Variants in PADI4 observed in about 807,000 individuals in gnomAD.
The protein encoded by PADI4 is peptidyl arginine deiminase 4.
Under a neutral mutation model 75.0 loss-of-function variants are expected in PADI4, and 62 were observed. The observed-to-expected ratio is 0.83, with a 90% CI of 0.67 to 1.02. The LOEUF is 1.02. Ranked by LOEUF, PADI4 falls within the 50% of genes least tolerant of loss-of-function variation. PADI4 has a pLI of 0.00. For synonymous variants in PADI4, 361 were observed against 348.1 expected (o/e 1.04, Z -0.41); for missense variants, 845 against 850.5 (o/e 0.99, Z 0.08).
rs2074761770 is a variant in PADI4 at position 17,356,439 on chromosome 1, T to C, written c.1538T>C (p.Leu513Pro). ...EQQNEGHGEA[L>P]LFEGIKKKKQ... ...CAGAATGAGGGCCACGGGGAGGCCC[T>C]GCTGTTCGAAGGGATCAAGAGTAAG... is the stretch of plus-strand genomic sequence containing the variant. The change falls in exon 13 of 16, where the codon CTG (leucine) becomes CCG (proline). Residue 513 changes from leucine (L) to proline (P), a missense_variant. Leu to Pro is a moderately conservative substitution (Grantham distance 98). Transcript: ENST00000375448. The surrounding 1 kb of genome is among the most constrained non-coding windows in gnomAD (Gnocchi z 4.1). 2 of 1,610,376 alleles carry C rather than the reference T, an allele frequency of 1.2e-6. No individual in the cohort carries two copies. The highest frequency in any genetic ancestry group is 1.7e-6 in the Non-Finnish European group (2 of 1,176,798).
intron 10 of PADI4, among the ~76,000 whole-genome samples, chr1:17,348,543 A>G (rs1422246458): frequency 4.6e-5 from 7 of 152,302 alleles, no homozygotes; most frequent in Middle Eastern, 3.4e-3. Context: ...GAAGTGACGT[A>G]TTGCTGACTC....
chr1:17,319,528 AAG>A (rs1270443086), intron 1 of PADI4, among the ~76,000 whole-genome samples: 1 of 152,134 alleles, frequency 6.6e-6, no homozygotes, highest in African/African-American at 2.4e-5. Context: ...TGCTTAAAAA[AAG>A]AGAGAGAGAG....
intron 10 of PADI4, among the ~76,000 whole-genome samples, chr1:17,350,988 A>G (rs1302577949): frequency 8.2e-6 from 1 of 122,322 alleles, no homozygotes; most frequent in African/African-American, 2.6e-5. Flanking sequence ...GGAGTTTGAG[A>G]CCAGACTGGG....
At chr1:17,308,395 G>A in intron 1 of PADI4, 81 bp downstream of exon 1, 2 of 1,126,126 alleles carry the variant, frequency 1.8e-6, no homozygotes, top group South Asian at 2.6e-5. Flanking sequence ...AGGAGCATGT[G>A]TTTGGCCCAG....
chr1:17,347,831 C>T (rs1173344855), intron 9 of PADI4, 110 bp from the exon 10 acceptor site: 3 of 570,328 alleles, frequency 5.3e-6, no homozygotes, highest in Non-Finnish European at 9.5e-6. Flanking sequence ...GGAATGTGCC[C>T]TTGACTGCAA....
rs1366193159 is a variant in PADI4 at position 17,348,028 on chromosome 1, T to C, written c.1135T>C (p.Phe379Leu). The C allele has an allele frequency of 6.2e-7, 1 of 1,611,308 alleles. No individual in the cohort carries two copies. The highest frequency in any genetic ancestry group is 1.1e-5 in the South Asian group (1 of 90,962). The change falls in exon 10 of 16, where the codon TTT (phenylalanine) becomes CTT (leucine). Residue 379 changes from phenylalanine to leucine, a missense_variant. Physicochemically the swap from Phe to Leu is conservative, Grantham distance 22 (BLOSUM62 0). Transcript: ENST00000375448. ...TCCAAGGAACAGAGGCCTGAAGGAGTTTCCCATCAAACGCGTGATGGTACC... is the reference window on the plus strand; with the variant it reads ...TCCAAGGAACAGAGGCCTGAAGGAGCTTCCCATCAAACGCGTGATGGTACC... ...DSPRNRGLKE[F>L]PIKRVMGPDF...
At chr1:17,332,317 G>T (rs2074228814) in intron 2 of PADI4, among the ~76,000 whole-genome samples, 1 of 152,186 alleles carries the variant, frequency 6.6e-6, no homozygotes. Flanking sequence ...TGCAATCTCG[G>T]CTCACTGCAA....
rs760327662 is a variant in PADI4 at position 17,359,359 on chromosome 1, T to C, written c.1709T>C (p.Leu570Pro). The C allele has an allele frequency of 3.7e-6, 6 of 1,614,054 alleles. No individual in the cohort carries two copies. In the East Asian group the frequency reaches 1.1e-4, roughly 30 times the overall value. ...AESDIIDIPQ[L>P]FKLKEFSKAE... ...AGTGACATCATTGACATCCCGCAGC[T>C]CTTCAAGCTCAAAGAGTTCTCTAAG... The change falls in exon 15 of 16, where the codon CTC (leucine) becomes CCC (proline). Residue 570 changes from leucine (L) to proline (P), a missense_variant. Coordinates refer to ENST00000375448, the MANE Select transcript of PADI4 (RefSeq NM_012387.3).
At position 17,363,777 on chromosome 1, in the gene PADI4, C is replaced by T. The variant is rs1166772937; in HGVS notation, c.*22C>T. The T allele has an allele frequency of 6.5e-7, 1 of 1,545,576 alleles. No individual in the cohort carries two copies. The highest frequency in any genetic ancestry group is 8.9e-7 in the Non-Finnish European group (1 of 1,118,328). The stretch of plus-strand genomic sequence containing the variant: ...CTGAGCCCATCTTCCCTGGCGTCCT[C>T]TCCCTCCTGGCCAGATGTCGCTGGG... On this transcript the variant is annotated 3_prime_UTR_variant, in exon 16 of 16. Coordinates refer to ENST00000375448, the MANE Select transcript of PADI4 (RefSeq NM_012387.3).
intron 6 of PADI4, among the ~76,000 whole-genome samples, chr1:17,340,845 G>A (rs35581887): frequency 0.029 from 4,240 of 143,928 alleles, 90 homozygotes; most frequent in African/African-American, 0.051. Context: ...CTGTTGCCCC[G>A]GCTGGAGTGC....
chr1:17,363,081 T>C (rs1557587459), intron 15 of PADI4, among the ~76,000 whole-genome samples: 1 of 152,112 alleles, frequency 6.6e-6, no homozygotes, highest in Admixed American at 6.6e-5. Flanking sequence ...CCTCCCAAAG[T>C]GCTGGGATTA....
intron 2 of PADI4, among the ~76,000 whole-genome samples, chr1:17,333,725 G>T (rs1187057358): frequency 6.6e-6 from 1 of 151,910 alleles, no homozygotes; most frequent in African/African-American, 2.4e-5. Context: ...TGTCTCCATT[G>T]CTGGGCCCCC....
intron 1 of PADI4, among the ~76,000 whole-genome samples, chr1:17,316,970 C>T (rs971562093): frequency 1.3e-5 from 2 of 152,116 alleles, no homozygotes; most frequent in African/African-American, 4.8e-5. Context: ...GCCGATGAGA[C>T]AGTGTGTGTA....
Position 17,345,889 on chromosome 1 carries a change from G to C in PADI4, c.936-139G>C, listed in dbSNP as rs1398561342. On this transcript the variant is annotated intron_variant, in intron 8 of 15. Transcript: ENST00000375448. Reference sequence around the variant, plus strand: ...GATTCCATGAGCTAATGCCTGCTAAGAGCAGATGGACCGGACGTGCCAGGA... The same window carrying C: ...GATTCCATGAGCTAATGCCTGCTAACAGCAGATGGACCGGACGTGCCAGGA... The C allele has an allele frequency of 9.8e-6, 6 of 609,872 alleles. No individual in the cohort carries two copies. In the East Asian group the frequency reaches 1.7e-4, roughly 17 times the overall value. The allele number at this position is 609,872 out of a possible 1,614,324, so 37.8% of individuals were successfully genotyped here. A position where few individuals can be genotyped will look rare whatever the true frequency, so the allele number is the denominator to read the frequency against.
At chr1:17,338,012 C>A in intron 4 of PADI4, 26 bp from the exon 5 acceptor site, 2 of 1,431,380 alleles carry the variant, frequency 1.4e-6, no homozygotes, top group Non-Finnish European at 9.9e-7. Flanking sequence ...AGTTTCTGAG[C>A]ATGACTCTTC....
intron 8 of PADI4, among the ~76,000 whole-genome samples, chr1:17,345,593 C>T (rs1329461999): frequency 6.6e-6 from 1 of 152,230 alleles, no homozygotes; most frequent in East Asian, 1.9e-4. Context: ...TTCTCCCATA[C>T]TGTTCTCATG....
chr1:17,347,438 G>A (rs371599231), intron 9 of PADI4, among the ~76,000 whole-genome samples: 1 of 151,904 alleles, frequency 6.6e-6, no homozygotes, highest in Non-Finnish European at 1.5e-5. Flanking sequence ...AAACCTCCCC[G>A]TGCTCCTCCT....
At chr1:17,357,070 A>G (rs1304092349) in intron 13 of PADI4, among the ~76,000 whole-genome samples, 1 of 152,184 alleles carries the variant, frequency 6.6e-6, no homozygotes, top group East Asian at 1.9e-4. Context: ...CTCTTTGGAG[A>G]TAAGATAATT....
At chr1:17,325,940 G>A (rs1371409535) in intron 1 of PADI4, among the ~76,000 whole-genome samples, 1 of 152,088 alleles carries the variant, frequency 6.6e-6, no homozygotes, top group Non-Finnish European at 1.5e-5. Context: ...CCGACCTCAT[G>A]GGATCTGCCC....
Sources: allele counts gnomAD v4.1 joint callset (sites outside exome capture counted in the v4.1 genomes callset), GRCh38; gene constraint gnomAD v4.1.1; non-coding constraint Gnocchi (gnomAD v3.1); transcripts MANE v1.5; gene names NCBI Gene and HGNC (gene_info 2026-07-23, HGNC 2026-07-21).